PRDM9: variants seen among roughly 807,000 people sequenced by gnomAD.
PRDM9 encodes PR/SET domain 9, also known as histone-lysine N-methyltransferase PRDM9.
A neutral mutation model predicts 55.6 loss-of-function variants in PRDM9; 47 were observed. That is an observed-to-expected ratio of 0.85 (90% CI 0.67 to 1.08). The LOEUF (loss-of-function observed/expected upper bound fraction) is 1.08. Ranked by LOEUF, PRDM9 falls within the 50% of genes least tolerant of loss-of-function variation. The probability of loss-of-function intolerance (pLI) is 0.00; values close to 1 mark genes in which losing one functional copy is unlikely to be tolerated. For missense variants in PRDM9, 867 were observed against 1,040.3 expected (o/e 0.83, Z 2.29); for synonymous variants, 312 against 375.7 (o/e 0.83, Z 1.96).
In PRDM9 at chr5:23,527,720, C is replaced by G. The variant is rs1739503673; in HGVS notation, c.2632C>G (p.His878Asp). Residue 878 changes from histidine to aspartate, a missense_variant, in exon 11 of 11, where the codon CAC becomes GAC. His to Asp is a moderately conservative substitution (Grantham distance 81). This residue lies in a region of PRDM9 where 86 missense variants were observed against 73.6 expected (regional missense o/e 1.17). Transcript: ENST00000296682. ...TAGCGATAGGTCAAGCCTCTGCTATCACCAGAGGACACACACAGGGGAGAA... is the reference window on the plus strand; with the variant it reads ...TAGCGATAGGTCAAGCCTCTGCTATGACCAGAGGACACACACAGGGGAGAA... ...GFSDRSSLCY[H>D]QRTHTGEKPY... 2 of 1,613,426 alleles carry G rather than the reference C, an allele frequency of 1.2e-6. No homozygotes were observed. Among genetic ancestry groups the G allele is most frequent in the Non-Finnish European group, 1.7e-6 (2 of 1,179,774 alleles).
At chr5:23,516,605 C>G (rs187475623) in intron 4 of PRDM9, among the ~76,000 whole-genome samples, 1 of 151,824 alleles carries the variant, frequency 6.6e-6, no homozygotes, top group African/African-American at 2.4e-5. Context: ...ATCTCCTGAC[C>G]TCGTGATCTG....
At position 23,527,813 on chromosome 5, in the gene PRDM9, G is replaced by T; in HGVS notation, c.*40G>T. 2 of 1,611,986 alleles carry T rather than the reference G, an allele frequency of 1.2e-6. No individual in the cohort carries two copies. Among genetic ancestry groups the T allele is most frequent in the Non-Finnish European group, 8.5e-7 (1 of 1,178,594 alleles). On this transcript the variant is annotated 3_prime_UTR_variant, in exon 11 of 11. Coordinates refer to ENST00000296682, the MANE Select transcript of PRDM9 (RefSeq NM_020227.4). ...AACCTCATCTCAATAGCCACAAAAA[G>T]ACAAATGTGGTCACCACACACTTGC...
chr5:23,523,806 GT>G (rs1385135428), intron 9 of PRDM9, among the ~76,000 whole-genome samples: 1 of 152,140 alleles, frequency 6.6e-6, no homozygotes, highest in Non-Finnish European at 1.5e-5. Context: ...ACTGTTCTAT[GT>G]TATTGGGCCA....
At chr5:23,524,309 T>C (rs1204132983) in intron 9 of PRDM9, 25 bp from the exon 10 acceptor site, 3 of 1,611,774 alleles carry the variant, frequency 1.9e-6, no homozygotes, top group Non-Finnish European at 2.5e-6. Flanking sequence ...CCTCTTTTCT[T>C]TCCCTTTGCC....
intron 4 of PRDM9, among the ~76,000 whole-genome samples, chr5:23,515,338 A>G (rs1317475141): frequency 6.6e-6 from 1 of 152,066 alleles, no homozygotes; most frequent in Non-Finnish European, 1.5e-5. Flanking sequence ...TCGAACTCCT[A>G]GGTTCAAGTT....
At position 23,527,677 on chromosome 5, in the gene PRDM9, G is replaced by C. The variant is rs538854128; in HGVS notation, c.2589G>C (p.Arg863Ser). The C allele has an allele frequency of 6.3e-7, 1 of 1,584,136 alleles. No individual in the cohort carries two copies. Among genetic ancestry groups the C allele is most frequent in the African/African-American group, 1.4e-5 (1 of 72,796 alleles). The change falls in exon 11 of 11, where the codon AGG becomes AGC. Residue 863 changes from arginine (R) to serine (S), a missense_variant. Coordinates refer to ENST00000296682, the MANE Select transcript of PRDM9 (RefSeq NM_020227.4). Reference protein sequence around the residue: ...THTGEKPYVCRECGRGFSDRS... With the variant: ...THTGEKPYVCSECGRGFSDRS... ...CAGGGGAGAAGCCCTACGTCTGCAG[G>C]GAGTGTGGGCGGGGCTTTAGCGATA...
intron 4 of PRDM9, among the ~76,000 whole-genome samples, chr5:23,511,873 A>T (rs1739105828): frequency 6.6e-6 from 1 of 152,102 alleles, no homozygotes; most frequent in Non-Finnish European, 1.5e-5. Context: ...AAGATCTGAA[A>T]CAATTGTGAC....
At chr5:23,516,185 C>A (rs1044503425) in intron 4 of PRDM9, among the ~76,000 whole-genome samples, 1 of 152,122 alleles carries the variant, frequency 6.6e-6, no homozygotes, top group Non-Finnish European at 1.5e-5. Flanking sequence ...AAATTTCTGT[C>A]GGCACCGTTT....
At chr5:23,515,320 G>A (rs62342714) in intron 4 of PRDM9, among the ~76,000 whole-genome samples, 8,473 of 152,180 alleles carry the variant, frequency 0.056, 353 homozygotes, top group Middle Eastern at 0.095. Context: ...ATGTTGCTCT[G>A]GCTGGTCTCG....
intron 4 of PRDM9, among the ~76,000 whole-genome samples, chr5:23,516,340 A>T (rs1272256294): frequency 6.6e-6 from 1 of 152,068 alleles, no homozygotes; most frequent in Non-Finnish European, 1.5e-5. Context: ...AACACAACTG[A>T]TTTGGGGTGT....
chr5:23,517,556 C>T (rs1414782364), intron 4 of PRDM9, among the ~76,000 whole-genome samples: 3 of 152,134 alleles, frequency 2.0e-5, no homozygotes, highest in African/African-American at 7.2e-5. Flanking sequence ...GAGGCAGACG[C>T]AGGTGGATCA....
rs756984850 is a variant in PRDM9 at position 23,527,272 on chromosome 5, C to T, written c.2184C>T (p.Gly728=). The change falls in exon 11 of 11, where the codon GGC becomes GGT. Residue 728 remains glycine, a synonymous_variant. Transcript: ENST00000296682. ...ATGTCTGCAGGGAGTGTGGGCGGGG[C>T]TTTAGCAATAAGTCACACCTCCTCA... ...KPYVCRECGR[G]FSNKSHLLRH... 16 of 1,539,716 alleles carry T rather than the reference C, an allele frequency of 1.0e-5. No homozygotes were observed. In the Admixed American group the frequency reaches 1.1e-4, roughly 11 times the overall value.
rs1386643304 is a variant in PRDM9 at position 23,522,723 on chromosome 5, C to A, written c.720C>A (p.Leu240=). Reference sequence around the variant, plus strand: ...AGGGGCACCCCAACCGTTCAGCCCTCAGTCTGCCCCCAGGGCTGAGAATTG... The same window carrying A: ...AGGGGCACCCCAACCGTTCAGCCCTAAGTCTGCCCCCAGGGCTGAGAATTG... ...VDKGHPNRSA[L]SLPPGLRIGP... Residue 240 remains leucine (L), a synonymous_variant, in exon 8 of 11, where the codon CTC becomes CTA. Transcript: ENST00000296682. 6.2e-7 allele frequency: 1 copy of A among 1,614,234 alleles called. No individual in the cohort carries two copies. Among genetic ancestry groups the A allele is most frequent in the Admixed American group, 1.7e-5 (1 of 60,036 alleles).
At position 23,524,328 on chromosome 5, in the gene PRDM9, C is replaced by A; in HGVS notation, c.951-6C>A. Reference sequence around the variant, plus strand: ...TTTTCTTTCCCTTTGCCTGCCTTGACCCCAGGTATGTGAACTGTGCCCGGG... The same window carrying A: ...TTTTCTTTCCCTTTGCCTGCCTTGAACCCAGGTATGTGAACTGTGCCCGGG... On this transcript the variant is annotated splice_region_variant and splice_polypyrimidine_tract_variant and intron_variant, in intron 9 of 10. Coordinates refer to ENST00000296682, the MANE Select transcript of PRDM9 (RefSeq NM_020227.4). 1 of 1,613,646 alleles carries A rather than the reference C, an allele frequency of 6.2e-7. No homozygotes were observed.
intron 4 of PRDM9, among the ~76,000 whole-genome samples, chr5:23,513,391 G>A (rs569503663): frequency 5.9e-5 from 9 of 152,174 alleles, no homozygotes; most frequent in Non-Finnish European, 1.3e-4. Context: ...ACAGGAGTGG[G>A]TTAGTTATTG....
rs1739461392 is a variant in PRDM9 at position 23,526,928 on chromosome 5, G to A, written c.1840G>A (p.Gly614Arg). Residue 614 changes from glycine (G) to arginine (R), a missense_variant, in exon 11 of 11, where the codon GGG becomes AGG. Physicochemically the swap from Gly to Arg is moderately radical, Grantham distance 125 (BLOSUM62 -2). Around this residue, in one of 5 missense-constraint regions of PRDM9, gnomAD observed 27 missense variants for 50.0 expected, o/e 0.54. Transcript: ENST00000296682. ...GEKPYVCREC[G>R]RGFSRQSVLL... ...GAAGCCCTATGTCTGCAGGGAGTGT[G>A]GGCGGGGCTTTAGCCGGCAGTCAGT... The A allele has an allele frequency of 6.3e-7, 1 of 1,598,572 alleles. No individual in the cohort carries two copies. Among genetic ancestry groups the A allele is most frequent in the African/African-American group, 1.4e-5 (1 of 69,242 alleles).
intron 5 of PRDM9, among the ~76,000 whole-genome samples, chr5:23,519,866 A>G (rs1739292076): frequency 6.6e-6 from 1 of 151,544 alleles, no homozygotes; most frequent in Admixed American, 6.6e-5. Context: ...CAACATGGTG[A>G]AACCCCATCT....
chr5:23,525,005 A>G (rs1274223743), intron 10 of PRDM9, among the ~76,000 whole-genome samples: 1 of 152,260 alleles, frequency 6.6e-6, no homozygotes, highest in Non-Finnish European at 1.5e-5. Flanking sequence ...TGCTCTTGAC[A>G]TGTGAATTAG....
At chr5:23,522,192 G>A (rs1739339215) in intron 6 of PRDM9, 112 bp from the exon 7 acceptor site, 1 of 918,278 alleles carries the variant, frequency 1.1e-6, no homozygotes, top group African/African-American at 1.6e-5. Flanking sequence ...GGGGACACTA[G>A]AGTATGTAGA....
Sources: allele counts gnomAD v4.1 joint callset (sites outside exome capture counted in the v4.1 genomes callset), GRCh38; gene constraint gnomAD v4.1.1; regional missense constraint gnomAD v4.1.1; transcripts MANE v1.5; gene names NCBI Gene and HGNC (gene_info 2026-07-23, HGNC 2026-07-21).